Variants in RHBDF2 observed in about 807,000 individuals in gnomAD.
RHBDF2 encodes the protein inactive rhomboid protein 2.
A neutral mutation model predicts 95.2 loss-of-function variants in RHBDF2; 38 were observed. That is an observed-to-expected ratio of 0.40 (90% CI 0.31 to 0.52). The LOEUF (loss-of-function observed/expected upper bound fraction) is 0.52, where lower values mean the gene tolerates loss of function less well. RHBDF2 is among the 20% of genes least tolerant of loss of function. The pLI is 0.56. For synonymous variants in RHBDF2, 442 were observed against 462.0 expected (o/e 0.96, Z 0.55); for missense variants, 863 against 1,137.7 (o/e 0.76, Z 3.47).
chr17:76,472,964 A>G (rs767018771), intron 17 of RHBDF2, 41 bp downstream of exon 17: 1 of 1,607,142 alleles, frequency 6.2e-7, no homozygotes, highest in South Asian at 1.1e-5. Context: ...CTGGGTGGCC[A>G]TCACAGGGGT....
At chr17:76,476,641 C>T in intron 9 of RHBDF2, 189 bp downstream of exon 9, 1 of 807,568 alleles carries the variant, frequency 1.2e-6, no homozygotes, top group South Asian at 1.9e-5. Context: ...CAGCAAGCAC[C>T]CCTGGCCCTT....
At chr17:76,490,028 G>A (rs1459592860) in intron 1 of RHBDF2, among the ~76,000 whole-genome samples, 1 of 152,228 alleles carries the variant, frequency 6.6e-6, no homozygotes, top group Non-Finnish European at 1.5e-5. Context: ...CTCCTCAGAG[G>A]CCTGGGGGTC....
At chr17:76,493,069 C>T (rs2074344807) in intron 1 of RHBDF2, 1 of 152,314 alleles carries the variant, frequency 6.6e-6, no homozygotes, top group Non-Finnish European at 1.5e-5. Flanking sequence ...CACCTGGTGT[C>T]CCTGGGAGTG....
At chr17:76,474,009 C>T in intron 13 of RHBDF2, 24 bp downstream of exon 13, 1 of 1,607,334 alleles carries the variant, frequency 6.2e-7, no homozygotes. Flanking sequence ...GACCCTGAGG[C>T]CCAGCAGAGG....
At chr17:76,492,215 G>GA (rs1343839040) in intron 1 of RHBDF2, among the ~76,000 whole-genome samples, 7 of 152,240 alleles carry the variant, frequency 4.6e-5, no homozygotes, top group East Asian at 1.9e-4. Context: ...GGGAAATCCT[G>GA]AAAAAAAGTG....
chr17:76,472,205 C>A, intron 18 of RHBDF2, 153 bp from the exon 19 acceptor site: 2 of 702,444 alleles, frequency 2.8e-6, no homozygotes, highest in Non-Finnish European at 4.7e-6. Flanking sequence ...GCTGCTGGAC[C>A]AAAGCTGGGC....
intron 7 of RHBDF2, 34 bp from the exon 8 acceptor site, chr17:76,477,332 A>C: frequency 6.2e-7 from 1 of 1,603,140 alleles, no homozygotes. Context: ...CAGTGTAAGG[A>C]GTCTGTCCCA....
intron 1 of RHBDF2, among the ~76,000 whole-genome samples, chr17:76,492,453 C>A (rs1451162135): frequency 5.3e-5 from 8 of 152,204 alleles, no homozygotes; most frequent in Non-Finnish European, 7.4e-5. Context: ...GCACTCCCAA[C>A]CAAGCCTGTT....
chr17:76,476,692 C>T (rs144744242), intron 9 of RHBDF2, 138 bp downstream of exon 9: 25 of 1,337,488 alleles, frequency 1.9e-5, no homozygotes, highest in African/African-American at 1.6e-4. Flanking sequence ...GGTGCGCCTT[C>T]GAGCTTGTCA....
At chr17:76,473,572 AG>A in intron 15 of RHBDF2, 75 bp downstream of exon 15, 1 of 1,258,280 alleles carries the variant, frequency 7.9e-7, no homozygotes, top group South Asian at 1.3e-5. Flanking sequence ...GTGACGGTGG[AG>A]GAGCAGAGGG....
At chr17:76,489,742 C>T (rs2074249993) in intron 1 of RHBDF2, among the ~76,000 whole-genome samples, 1 of 152,232 alleles carries the variant, frequency 6.6e-6, no homozygotes, top group South Asian at 2.1e-4. Flanking sequence ...CCTTGTTTGG[C>T]CCTTTACACA....
chr17:76,498,930 G>A (rs1178766226), intron 1 of RHBDF2, among the ~76,000 whole-genome samples: 1 of 151,752 alleles, frequency 6.6e-6, no homozygotes. Flanking sequence ...AGTCACTGAG[G>A]GTTTGTTCGT....
At chr17:76,473,935 AC>A (rs753634362) in intron 13 of RHBDF2, 33 bp from the exon 14 acceptor site, 11 of 1,609,940 alleles carry the variant, frequency 6.8e-6, no homozygotes, top group Middle Eastern at 1.6e-4. Context: ...GCTGTGGCAC[AC>A]CCAGCGTGCC....
At chr17:76,482,837 GT>G in intron 2 of RHBDF2, among the ~76,000 whole-genome samples, 1 of 150,570 alleles carries the variant, frequency 6.6e-6, no homozygotes, top group East Asian at 2.0e-4. Flanking sequence ...TGAGAACACT[GT>G]TTAACAATAA....
intron 2 of RHBDF2, among the ~76,000 whole-genome samples, chr17:76,487,001 C>T (rs1401274103): frequency 7.0e-6 from 1 of 143,790 alleles, no homozygotes; most frequent in Admixed American, 7.2e-5. Context: ...TCTTGTTGCC[C>T]AGGCTGGAGT....
At chr17:76,484,451 C>T (rs2074061730) in intron 2 of RHBDF2, among the ~76,000 whole-genome samples, 1 of 151,916 alleles carries the variant, frequency 6.6e-6, no homozygotes, top group East Asian at 1.9e-4. Context: ...GTCGGCGAGA[C>T]AGCAGCCATC....
intron 14 of RHBDF2, 41 bp downstream of exon 14, chr17:76,473,798 T>C: frequency 6.2e-7 from 1 of 1,613,124 alleles, no homozygotes; most frequent in Non-Finnish European, 8.5e-7. Flanking sequence ...AGGTCCCCCA[T>C]CCCTGACCTT....
Position 76,477,777 on chromosome 17 carries a change from CGA to C in RHBDF2, c.679_680del (p.Ser227GlyfsTer34). 1 of 1,611,226 alleles carries C rather than the reference CGA, an allele frequency of 6.2e-7. No individual in the cohort carries two copies. The highest frequency in any genetic ancestry group is 8.5e-7 in the Non-Finnish European group (1 of 1,179,922). On this transcript the variant is annotated frameshift_variant, in exon 7 of 19. Coordinates refer to ENST00000675367, the MANE Select transcript of RHBDF2 (RefSeq NM_001005498.4). LOFTEE classifies it high-confidence loss of function. The part of the protein sequence containing the change: ...QAAAALLKGR[S>X]VLDATGQRCR... ...ACCGCTGTCCGGTGGCATCCAGCACCGAGCGCCCCTGTGCACGGGCAGAGGCA... is the reference window on the plus strand; with the variant it reads ...ACCGCTGTCCGGTGGCATCCAGCACCGCGCCCCTGTGCACGGGCAGAGGCA...
chr17:76,481,676 T>G (rs2073970240), intron 2 of RHBDF2, 131 bp from the exon 3 acceptor site: 1 of 786,672 alleles, frequency 1.3e-6, no homozygotes, highest in African/African-American at 1.7e-5. Context: ...TCTGGGCGGC[T>G]GGGCGCGGTG....
Sources: gnomAD v4.1 joint callset for allele counts (sites outside exome capture counted in the v4.1 genomes callset) on GRCh38, gnomAD v4.1.1 for gene constraint, MANE v1.5 for transcripts, NCBI Gene and HGNC (gene_info 2026-07-23, HGNC 2026-07-21) for gene names.